Variants in ARID1B observed in about 807,000 individuals in gnomAD.
ARID1B encodes AT-rich interaction domain 1B.
In ARID1B, 30 loss-of-function variants were observed where a neutral mutation model predicts 212.3. The ratio of observed to expected loss-of-function variants is 0.14; its 90% CI spans 0.11 to 0.19. ARID1B has a LOEUF of 0.19. ARID1B is among the 10% of genes least tolerant of loss of function. The pLI is 1.00. For missense variants in ARID1B, 2,891 were observed against 3,204.0 expected, an observed-to-expected ratio of 0.90 and a Z score of 2.36; for synonymous variants, 1,402 against 1,301.7, an observed-to-expected ratio of 1.08 and a Z score of -1.66.
At chr6:157,053,921 A>G (rs1196192030) in intron 4 of ARID1B, among the ~76,000 whole-genome samples, 1 of 151,928 alleles carries the variant, frequency 6.6e-6, no homozygotes, top group East Asian at 1.9e-4. Flanking sequence ...TAAAATACAA[A>G]AAAATAAAAA....
intron 6 of ARID1B, among the ~76,000 whole-genome samples, chr6:157,122,948 C>G (rs9480442): frequency 1.3e-5 from 2 of 152,140 alleles, no homozygotes; most frequent in East Asian, 1.9e-4. Context: ...TCCCAAAGTA[C>G]TGGGATTACA....
At chr6:157,162,872 T>C (rs1791036186) in intron 8 of ARID1B, among the ~76,000 whole-genome samples, 1 of 152,122 alleles carries the variant, frequency 6.6e-6, no homozygotes, top group Non-Finnish European at 1.5e-5. Context: ...CCCTGAGATG[T>C]TCCTAGGCAG....
intron 19 of ARID1B, 141 bp downstream of exon 19, chr6:157,204,137 C>A: frequency 9.2e-7 from 1 of 1,083,024 alleles, no homozygotes; most frequent in Non-Finnish European, 1.4e-6. Context: ...ATCAACCAGC[C>A]TTAATCAATG....
At chr6:157,039,882 T>TTTCCCTTCCTTCCTTCCTTC (rs1554287391) in intron 4 of ARID1B, among the ~76,000 whole-genome samples, 2 of 67,228 alleles carry the variant, frequency 3.0e-5, no homozygotes, top group Non-Finnish European at 3.1e-5. Context: ...CTTTCTTTTC[T>TTTCCCTTCCTTCCTTCCTTC]CTTCCTTCCT....
intron 5 of ARID1B, among the ~76,000 whole-genome samples, chr6:157,085,440 G>A (rs1350396338): frequency 2.6e-5 from 4 of 152,210 alleles, no homozygotes; most frequent in African/African-American, 4.8e-5. Context: ...AGGAGCCCAT[G>A]TTCTGGTTAA....
At chr6:156,782,286 G>A (rs1163169337) in intron 1 of ARID1B, among the ~76,000 whole-genome samples, 3 of 151,732 alleles carry the variant, frequency 2.0e-5, no homozygotes, top group Admixed American at 2.0e-4. Context: ...TTTCATTTTT[G>A]ATTTCAGGAA....
chr6:157,055,197 C>T (rs1398554815), intron 4 of ARID1B, among the ~76,000 whole-genome samples: 2 of 152,220 alleles, frequency 1.3e-5, no homozygotes, highest in Non-Finnish European at 2.9e-5. Flanking sequence ...GAGTGATTAT[C>T]TTTCCTTCTA....
chr6:156,932,870 A>G (rs574008464), intron 3 of ARID1B, among the ~76,000 whole-genome samples: 4 of 152,320 alleles, frequency 2.6e-5, no homozygotes, highest in South Asian at 2.1e-4. Context: ...TTCCTTTTCA[A>G]TAGTTCTCAC....
rs1562356018 is a variant in ARID1B, at chr6:157,208,348, G to GA, written c.*464dup. On this transcript the variant is annotated 3_prime_UTR_variant, in exon 20 of 20. Coordinates refer to ENST00000636930, the MANE Select transcript of ARID1B (RefSeq NM_001374828.1). ...CTATGCGTTTTACTCCTCAGAGAAT[G>GA]AAAAAAACTGCATCCCATCACCCAA... is the stretch of plus-strand genomic sequence containing the variant. 4.3e-6 allele frequency: 1 copy of GA among 233,684 alleles called. No homozygotes were observed. The highest frequency in any genetic ancestry group is 8.5e-6 in the Non-Finnish European group (1 of 118,168). The allele number at this position is 233,684 out of a possible 1,614,324, so 14.5% of individuals were successfully genotyped here.
chr6:157,101,597 G>A (rs9384526), intron 5 of ARID1B, among the ~76,000 whole-genome samples: 60,625 of 151,666 alleles, frequency 0.4, 13,020 homozygotes, highest in East Asian at 0.52. Flanking sequence ...ATTACTAATC[G>A]AAGAATATAA....
Position 156,893,045 on chromosome 6 carries a change from C to CTTTTTTTTTTTTTTTTTTTTTTTTTTTTT in ARID1B, c.1987-8316_1987-8315insTTTTTTTTTTTTTTTTTTTTTTTTTTTTT, listed in dbSNP as rs567719662. Reference sequence around the variant, plus strand: ...AACTCTTTTTTTTTCTTTTTTCTTCCTTTTTTTTTTTTTTTGAGATGGAGT... The same window carrying CTTTTTTTTTTTTTTTTTTTTTTTTTTTTT: ...AACTCTTTTTTTTTCTTTTTTCTTCCTTTTTTTTTTTTTTTTTTTTTTTTTTTTTTTTTTTTTTTTTTTTGAGATGGAGT... On this transcript the variant is annotated intron_variant, in intron 2 of 19. Coordinates refer to ENST00000636930, the MANE Select transcript of ARID1B (RefSeq NM_001374828.1). 2.1e-4 allele frequency among the ~76,000 whole-genome samples: 18 copies of CTTTTTTTTTTTTTTTTTTTTTTTTTTTTT among 85,910 alleles called. 2 individuals carry two copies. The highest frequency in any genetic ancestry group is 8.0e-4 in the African/African-American group (17 of 21,314). 56.4% of individuals were successfully genotyped at this position (85,910 alleles called of 152,430 possible).
chr6:156,826,478 A>G (rs1782747736), intron 1 of ARID1B, among the ~76,000 whole-genome samples: 1 of 152,258 alleles, frequency 6.6e-6, no homozygotes, highest in Non-Finnish European at 1.5e-5. Context: ...TGTTGGGCAC[A>G]ACGCACATAG....
rs1013761969 is a variant in ARID1B, at chr6:157,145,129, C to T, written c.2762-3495C>T. 2.0e-5 allele frequency among the ~76,000 whole-genome samples: 3 copies of T among 152,164 alleles called. 1 individual carries two copies. Among genetic ancestry groups the T allele is most frequent in the Non-Finnish European group, 4.4e-5 (3 of 68,032 alleles). ...TTGTGCTCTCTGGCATCCCCTGAAG[C>T]CTTTCTCAGCCTTCCAGGTGGTGTT... On this transcript the variant is annotated intron_variant, in intron 7 of 19. Coordinates refer to ENST00000636930, the MANE Select transcript of ARID1B (RefSeq NM_001374828.1).
intron 4 of ARID1B, among the ~76,000 whole-genome samples, chr6:156,948,415 G>A (rs1355678786): frequency 1.3e-5 from 2 of 152,066 alleles, no homozygotes; most frequent in Non-Finnish European, 2.9e-5. Context: ...GGGGCAGTGG[G>A]TGGTGGGGGT....
At chr6:156,848,870 C>G (rs1784400977) in intron 2 of ARID1B, among the ~76,000 whole-genome samples, 1 of 152,212 alleles carries the variant, frequency 6.6e-6, no homozygotes, top group Non-Finnish European at 1.5e-5. Flanking sequence ...GACGAGTCAT[C>G]TGATGGCAGT....
At chr6:157,180,512 A>G (rs1792435105) in intron 11 of ARID1B, among the ~76,000 whole-genome samples, 1 of 152,202 alleles carries the variant, frequency 6.6e-6, no homozygotes, top group African/African-American at 2.4e-5. Context: ...TTTAACGAAG[A>G]CACCCTTTAG....
intron 2 of ARID1B, among the ~76,000 whole-genome samples, chr6:156,884,108 G>T (rs1787319240): frequency 1.3e-5 from 2 of 152,184 alleles, no homozygotes; most frequent in Non-Finnish European, 2.9e-5. Context: ...AACTAGAAAT[G>T]TTTTTAATGG....
intron 4 of ARID1B, among the ~76,000 whole-genome samples, chr6:156,970,325 C>T (rs1025971012): frequency 2.0e-5 from 3 of 152,102 alleles, no homozygotes; most frequent in African/African-American, 7.2e-5. Flanking sequence ...TCAAGTGATC[C>T]ACCTGCCTCG....
At chr6:157,157,184 G>A (rs562099629) in intron 8 of ARID1B, among the ~76,000 whole-genome samples, 2 of 152,230 alleles carry the variant, frequency 1.3e-5, no homozygotes, top group East Asian at 3.9e-4. Context: ...GGCTCACCGT[G>A]ACTCGCGCAC....
Sources: gnomAD v4.1 joint callset for allele counts (sites outside exome capture counted in the v4.1 genomes callset) on GRCh38, gnomAD v4.1.1 for gene constraint, MANE v1.5 for transcripts, NCBI Gene and HGNC (gene_info 2026-07-23, HGNC 2026-07-21) for gene names.